The following CAST variants were observed in gnomAD, a reference collection of about 807,000 sequenced individuals.
CAST encodes the protein MIR583 host.
CAST carries 76 observed loss-of-function variants against 119.6 expected under a neutral mutation model. The observed-to-expected ratio is 0.64, with a 90% CI of 0.53 to 0.77. The LOEUF is 0.77. CAST is among the 30% of genes least tolerant of loss of function. The probability of loss-of-function intolerance (pLI) is 0.00; values close to 1 mark genes in which losing one functional copy is unlikely to be tolerated. For missense variants in CAST, 953 were observed against 946.5 expected (o/e 1.01, Z -0.09); for synonymous variants, 319 against 331.6 (o/e 0.96, Z 0.41).
At chr5:96,005,546 T>C in the CAST span, among the ~76,000 whole-genome samples, 1 of 152,180 alleles carries the variant, frequency 6.6e-6, no homozygotes, top group Non-Finnish European at 1.5e-5. Context: ...TGAAAATGAT[T>C]ACCATGGGGA....
chr5:96,419,235 T>C, the CAST span, among the ~76,000 whole-genome samples: 3 of 151,008 alleles, frequency 2.0e-5, no homozygotes, highest in Non-Finnish European at 4.4e-5. Context: ...TATACAGATA[T>C]AGATATAGAT....
the CAST span, among the ~76,000 whole-genome samples, chr5:96,151,854 T>C: frequency 2.0e-5 from 3 of 152,212 alleles, no homozygotes; most frequent in Non-Finnish European, 4.4e-5. Flanking sequence ...ACCCCTTGGA[T>C]AGAAGGTAAT....
chr5:96,278,085 CAG>C, the CAST span, among the ~76,000 whole-genome samples: 27 of 151,384 alleles, frequency 1.8e-4, no homozygotes, highest in Admixed American at 2.6e-4. Context: ...TTTCTAGAAG[CAG>C]AGTCTGAGAG....
At chr5:96,322,783 A>G in the CAST span, among the ~76,000 whole-genome samples, 2 of 152,104 alleles carry the variant, frequency 1.3e-5, no homozygotes, top group African/African-American at 4.8e-5. Flanking sequence ...ATAACCCCAC[A>G]TTGCCTCAAC....
chr5:96,004,871 A>T, the CAST span, among the ~76,000 whole-genome samples: 3 of 152,188 alleles, frequency 2.0e-5, no homozygotes, highest in Admixed American at 6.5e-5. Flanking sequence ...AGACCCTTGT[A>T]AAGCAACTCT....
the CAST span, among the ~76,000 whole-genome samples, chr5:96,433,678 A>G: frequency 6.6e-6 from 1 of 152,186 alleles, no homozygotes; most frequent in Non-Finnish European, 1.5e-5. Flanking sequence ...CAAGGCTCTT[A>G]GGTCTTTCAA....
chr5:96,600,416 A>G (rs943985589), intron 1 of CAST, among the ~76,000 whole-genome samples: 2 of 152,232 alleles, frequency 1.3e-5, no homozygotes, highest in Admixed American at 6.5e-5. Flanking sequence ...ATGGATGACG[A>G]TGGACCAAGT....
At chr5:96,644,962 TGA>T (rs1747997370) in intron 1 of CAST, among the ~76,000 whole-genome samples, 1 of 152,086 alleles carries the variant, frequency 6.6e-6, no homozygotes, top group Admixed American at 6.6e-5. Flanking sequence ...GGTGACAGAG[TGA>T]GAGTGTCTCA....
At chr5:96,346,148 A>G in the CAST span, among the ~76,000 whole-genome samples, 12 of 152,284 alleles carry the variant, frequency 7.9e-5, no homozygotes, top group South Asian at 1.2e-3. Flanking sequence ...GAAGAATAAA[A>G]TTGCTAAAAC....
the CAST span, among the ~76,000 whole-genome samples, chr5:96,406,163 C>T: frequency 6.6e-6 from 1 of 152,132 alleles, no homozygotes; most frequent in East Asian, 1.9e-4. Flanking sequence ...AAAAAAAGGT[C>T]TCGTTTGACC....
the CAST span, chr5:95,980,273 C>T: frequency 6.6e-6 from 1 of 152,094 alleles, no homozygotes; most frequent in Non-Finnish European, 1.5e-5. Context: ...GCTTATAGTT[C>T]TTGGTGCTGG....
chr5:96,195,103 A>C, the CAST span, among the ~76,000 whole-genome samples: 1 of 152,366 alleles, frequency 6.6e-6, no homozygotes, highest in Non-Finnish European at 1.5e-5. Context: ...AACTAGACCT[A>C]TTTGAAGAAG....
chr5:96,315,875 C>CA, the CAST span, among the ~76,000 whole-genome samples: 1 of 152,100 alleles, frequency 6.6e-6, no homozygotes, highest in Non-Finnish European at 1.5e-5. Flanking sequence ...CACATGTAGG[C>CA]ACTTTGGGTT....
the CAST span, among the ~76,000 whole-genome samples, chr5:96,054,907 G>A: frequency 6.6e-6 from 1 of 152,144 alleles, no homozygotes; most frequent in South Asian, 2.1e-4. Flanking sequence ...TCTTTAAAAT[G>A]AGGATGATAG....
intron 1 of CAST, among the ~76,000 whole-genome samples, chr5:96,584,069 G>A (rs185193814): frequency 1.0e-3 from 156 of 152,186 alleles, no homozygotes; most frequent in African/African-American, 3.5e-3. Flanking sequence ...GTCAGTAGTC[G>A]CCAACCTTTT....
At chr5:96,702,751 G>A (rs1210516324) in intron 3 of CAST, 2 of 984,960 alleles carry the variant, frequency 2.0e-6, no homozygotes, top group African/African-American at 1.7e-5. Flanking sequence ...GCCGGGCAGG[G>A]GGGCGGGGAG....
At chr5:96,485,145 A>G in the CAST span, among the ~76,000 whole-genome samples, 1 of 152,180 alleles carries the variant, frequency 6.6e-6, no homozygotes, top group Non-Finnish European at 1.5e-5. Flanking sequence ...AGAAATGGTC[A>G]AAATGTCACA....
the CAST span, among the ~76,000 whole-genome samples, chr5:96,229,052 G>A: frequency 6.6e-6 from 1 of 151,748 alleles, no homozygotes; most frequent in Non-Finnish European, 1.5e-5. Context: ...GGGTTGAAAA[G>A]ATTCAAAAAT....
the CAST span, among the ~76,000 whole-genome samples, chr5:96,464,176 C>T: frequency 2.0e-5 from 3 of 151,738 alleles, no homozygotes; most frequent in South Asian, 4.1e-4. Flanking sequence ...CTTTTACTGA[C>T]ATTGAGAAAA....
Sources: gnomAD v4.1 joint callset for allele counts (sites outside exome capture counted in the v4.1 genomes callset) on GRCh38, gnomAD v4.1.1 for gene constraint, MANE v1.5 for transcripts, NCBI Gene and HGNC (gene_info 2026-07-23, HGNC 2026-07-21) for gene names.